Variants in HNF4A observed in about 807,000 individuals in gnomAD.
HNF4A encodes hepatocyte nuclear factor 4 alpha, also known as hepatocyte nuclear factor 4-alpha.
In HNF4A, 15 loss-of-function variants were observed where a neutral mutation model predicts 52.4. That is an observed-to-expected ratio of 0.29 (90% CI 0.19 to 0.44). The LOEUF (loss-of-function observed/expected upper bound fraction) is 0.44. HNF4A is among the 20% of genes least tolerant of loss of function. The pLI is 1.00. For missense variants in HNF4A, 479 were observed against 647.2 expected (o/e 0.74, Z 2.82); for synonymous variants, 280 against 264.4 (o/e 1.06, Z -0.57).
intron 1 of HNF4A, chr20:44,392,233 T>G (rs1398191982): frequency 6.6e-6 from 1 of 152,104 alleles, no homozygotes; most frequent in Admixed American, 6.5e-5. Context: ...GAACATTATC[T>G]CATTTAATTG....
chr20:44,411,580 G>A (rs1384674940), intron 3 of HNF4A, among the ~76,000 whole-genome samples: 2 of 152,170 alleles, frequency 1.3e-5, no homozygotes, highest in Non-Finnish European at 2.9e-5. Context: ...CTCTGAGCTG[G>A]CCCCGTCCAC....
chr20:44,355,816 G>C lies in HNF4A; in HGVS notation c.12G>C (p.Val4=). The C allele has an allele frequency of 3.1e-6, 5 of 1,613,794 alleles. No homozygotes were observed. The Admixed American group carries it at 8.3e-5, about 27-fold the overall frequency. Residue 4 remains valine, a synonymous_variant, in exon 1 of 10, where the codon GTG becomes GTC. Coordinates refer to the HNF4A transcript ENST00000316673. ...GGGTGGGCTTGGCCATGGTCAGCGT[G>C]AACGCGCCCCTCGGGGCTCCAGTGG...
intron 1 of HNF4A, among the ~76,000 whole-genome samples, chr20:44,375,186 G>C (rs1031629356): frequency 2.6e-5 from 4 of 152,106 alleles, no homozygotes; most frequent in African/African-American, 7.2e-5. Context: ...ATCTTCTTTT[G>C]AGAAGTGTCT....
intron 8 of HNF4A, among the ~76,000 whole-genome samples, chr20:44,427,508 C>T (rs890659918): frequency 3.9e-5 from 6 of 152,186 alleles, no homozygotes; most frequent in East Asian, 1.9e-4. Flanking sequence ...CTGTAGAGAT[C>T]GCTTGCAAGC....
rs1568724014 is a variant in HNF4A, at chr20:44,407,421, C to T, written c.331C>T (p.Gln111Ter). The stretch of plus-strand genomic sequence containing the variant: ...CGTGGTGGACAAAGACAAGAGGAAC[C>T]AGTGCCGCTACTGCAGGCTCAAGAA... The change falls in exon 3 of 10, where the codon CAG (glutamine) becomes TAG (stop). Residue 111 changes from glutamine to a stop codon, truncating the protein, a stop_gained. Transcript: ENST00000316099. LOFTEE classifies it high-confidence loss of function. The T allele has an allele frequency of 6.2e-7, 1 of 1,611,510 alleles. No homozygotes were observed. The highest frequency in any genetic ancestry group is 1.3e-5 in the African/African-American group (1 of 74,978).
intron 1 of HNF4A, among the ~76,000 whole-genome samples, chr20:44,364,703 C>T (rs529936146): frequency 9.2e-5 from 14 of 152,194 alleles, no homozygotes; most frequent in African/African-American, 2.9e-4. Flanking sequence ...CTCCTGACCT[C>T]GTGATCCACC....
chr20:44,382,223 A>AGCTT lies in HNF4A; in HGVS notation c.50-23834_50-23831dup, dbSNP rs1600662648. ...TCTTTGATTATTCTTCAAGGGGCAT[A>AGCTT]GCTTTCTTTCTTTCTTTCTTTCTTT... is the stretch of plus-strand genomic sequence containing the variant. On this transcript the variant is annotated intron_variant, in intron 1 of 9. Transcript: ENST00000316673. 2.6e-4 allele frequency among the ~76,000 whole-genome samples: 39 copies of AGCTT among 149,690 alleles called. 1 individual carries two copies. The South Asian group carries it at 6.0e-3, about 23-fold the overall frequency.
intron 5 of HNF4A, among the ~76,000 whole-genome samples, chr20:44,415,431 G>T (rs756871057): frequency 1.3e-5 from 2 of 152,166 alleles, no homozygotes; most frequent in African/African-American, 4.8e-5. Flanking sequence ...GGGAAGAAAG[G>T]GTTGAAGGAA....
intron 1 of HNF4A, among the ~76,000 whole-genome samples, chr20:44,386,437 G>C (rs1477114096): frequency 6.6e-6 from 1 of 152,190 alleles, no homozygotes; most frequent in African/African-American, 2.4e-5. Flanking sequence ...GAAGTGCTGG[G>C]ATTACAGGTG....
At chr20:44,392,580 G>A (rs1568709898) in intron 1 of HNF4A, among the ~76,000 whole-genome samples, 1 of 152,164 alleles carries the variant, frequency 6.6e-6, no homozygotes. Flanking sequence ...CTGGGTTCAA[G>A]TAAACCTCCC....
intron 1 of HNF4A, among the ~76,000 whole-genome samples, chr20:44,368,398 C>T (rs1193371869): frequency 6.6e-6 from 1 of 151,364 alleles, no homozygotes; most frequent in Non-Finnish European, 1.5e-5. Flanking sequence ...AACTCATGAC[C>T]TCAAGTGATC....
chr20:44,402,577 C>T (rs759600856), intron 1 of HNF4A: 13 of 1,365,768 alleles, frequency 9.5e-6, no homozygotes, highest in African/African-American at 1.5e-5. Flanking sequence ...TGCGTCTCGC[C>T]AGATTGAGGC....
At chr20:44,423,281 A>G (rs892091437) in intron 7 of HNF4A, among the ~76,000 whole-genome samples, 2 of 152,144 alleles carry the variant, frequency 1.3e-5, no homozygotes, top group Non-Finnish European at 1.5e-5. Context: ...ACGCCACTGC[A>G]CTCCAGGCTG....
intron 7 of HNF4A, among the ~76,000 whole-genome samples, chr20:44,422,284 G>C (rs565519172): frequency 6.6e-6 from 1 of 152,292 alleles, no homozygotes; most frequent in Non-Finnish European, 1.5e-5. Flanking sequence ...TGGACTGGCA[G>C]AATTGTTCTG....
Position 44,367,335 on chromosome 20 carries a change from CAA to C in HNF4A, c.49+11499_49+11500del, listed in dbSNP as rs1211796695. 5.2e-3 allele frequency among the ~76,000 whole-genome samples: 415 copies of C among 80,362 alleles called. 2 individuals are homozygous for C. Among genetic ancestry groups the C allele is most frequent in the African/African-American group, 0.017 (368 of 22,066 alleles). The allele number at this position is 80,362 out of a possible 152,430, so 52.7% of individuals were successfully genotyped here. ...GGGCAACAAAAGCGAAACTCTGTCT[CAA>C]AAAAAAAAAAAAAAAATTAACTTCT... On this transcript the variant is annotated intron_variant, in intron 1 of 9. Transcript: ENST00000316673.
intron 3 of HNF4A, 42 bp from the exon 4 acceptor site, chr20:44,413,652 C>T (rs370160804): frequency 1.1e-5 from 16 of 1,472,826 alleles, no homozygotes; most frequent in African/African-American, 9.7e-5. Context: ...CCCCCTACTC[C>T]ATCCCTGTTC....
Position 44,429,887 on chromosome 20 carries a change from A to G in HNF4A, c.*222A>G. 3 of 572,662 alleles carry G rather than the reference A, an allele frequency of 5.2e-6. No homozygotes were observed. The highest frequency in any genetic ancestry group is 9.3e-6 in the Non-Finnish European group (3 of 322,414). 35.5% of individuals were successfully genotyped at this position (572,662 alleles called of 1,614,324 possible). On this transcript the variant is annotated 3_prime_UTR_variant, in exon 10 of 10. Coordinates refer to ENST00000316099, the MANE Select transcript of HNF4A (RefSeq NM_000457.6). ...AAGACTTTGACTTGGGGAGACCTCT[A>G]CTGCCTTGGACAACTTTTCTCATGT...
Position 44,424,032 on chromosome 20 carries a change from A to G in HNF4A, c.907A>G (p.Ser303Gly), listed in dbSNP as rs201777208. The change falls in exon 8 of 10, where the codon AGC (serine) becomes GGC (glycine). Residue 303 changes from serine to glycine, a missense_variant. Around this residue, in one of 3 missense-constraint regions of HNF4A, gnomAD observed 389 missense variants for 525.1 expected, o/e 0.74. Transcript: ENST00000316099. Reference sequence around the variant, plus strand: ...TTCCATTGTAGATGCCAAGGGGCTGAGCGATCCAGGGAAGATCAAGCGGCT... The same window carrying G: ...TTCCATTGTAGATGCCAAGGGGCTGGGCGATCCAGGGAAGATCAAGCGGCT... The G allele has an allele frequency of 2.2e-5, 36 of 1,613,052 alleles. No individual in the cohort carries two copies. In the East Asian group the frequency reaches 4.9e-4, roughly 22 times the overall value.
At chr20:44,358,495 A>C (rs950980158) in intron 1 of HNF4A, among the ~76,000 whole-genome samples, 2 of 152,182 alleles carry the variant, frequency 1.3e-5, no homozygotes, top group African/African-American at 4.8e-5. Context: ...CTGTAATTCC[A>C]GCTACTTGGG....
Sources: gnomAD v4.1 joint callset for allele counts (sites outside exome capture counted in the v4.1 genomes callset) on GRCh38, gnomAD v4.1.1 for gene constraint, gnomAD v4.1.1 regional missense constraint, MANE v1.5 for transcripts, NCBI Gene and HGNC (gene_info 2026-07-23, HGNC 2026-07-21) for gene names.